SOX5: variants seen among roughly 807,000 people sequenced by gnomAD.
SOX5 encodes the protein transcription factor SOX-5.
In SOX5, 9 loss-of-function variants were observed where a neutral mutation model predicts 92.0. That is an observed-to-expected ratio of 0.10 (90% CI 0.06 to 0.17). The LOEUF is 0.17. Among genes scored for constraint, SOX5 ranks in the 10% least tolerant of loss-of-function variants. The pLI, the probability that SOX5 is intolerant of heterozygous loss-of-function variation, is 1.00. For synonymous variants in SOX5, 344 were observed against 336.3 expected (o/e 1.02, Z -0.25); for missense variants, 642 against 944.5 (o/e 0.68, Z 4.20).
At chr12:24,492,978 C>T (rs1412979819) in intron 1 of SOX5, among the ~76,000 whole-genome samples, 1 of 152,038 alleles carries the variant, frequency 6.6e-6, no homozygotes, top group Non-Finnish European at 1.5e-5. Context: ...CCATGAGCAC[C>T]CCTGATAATA....
chr12:23,682,881 T>C (rs1225150871), intron 6 of SOX5, among the ~76,000 whole-genome samples: 1 of 151,850 alleles, frequency 6.6e-6, no homozygotes, highest in African/African-American at 2.4e-5. Flanking sequence ...GCTACTTAAG[T>C]AGTTGAATAT....
chr12:24,147,977 C>T (rs751792694), intron 4 of SOX5, among the ~76,000 whole-genome samples: 8 of 152,144 alleles, frequency 5.3e-5, no homozygotes, highest in Non-Finnish European at 1.2e-4. Flanking sequence ...CTCTCCAAAT[C>T]ATTCCATAGA....
chr12:24,342,803 T>G (rs1447906545), intron 2 of SOX5, among the ~76,000 whole-genome samples: 1 of 152,220 alleles, frequency 6.6e-6, no homozygotes, highest in Admixed American at 6.5e-5. Flanking sequence ...TCATGAAATT[T>G]GTATTTATTT....
intron 3 of SOX5, among the ~76,000 whole-genome samples, chr12:24,243,111 A>T (rs1390287723): frequency 6.6e-6 from 1 of 152,154 alleles, no homozygotes; most frequent in Non-Finnish European, 1.5e-5. Flanking sequence ...TGAATATTTT[A>T]AAAAATAGAT....
intron 5 of SOX5, among the ~76,000 whole-genome samples, chr12:23,738,040 A>T (rs952745012): frequency 5.9e-5 from 9 of 152,226 alleles, no homozygotes; most frequent in African/African-American, 1.9e-4. Context: ...TCAGTACACA[A>T]GGGATTTTTG....
At chr12:23,935,633 A>G (rs188130139) in intron 1 of SOX5, among the ~76,000 whole-genome samples, 170 of 151,218 alleles carry the variant, frequency 1.1e-3, no homozygotes, top group Non-Finnish European at 1.9e-3. Context: ...GTAAGTGTAT[A>G]TATGCCTGGA....
chr12:23,930,598 T>G (rs1177957978), intron 1 of SOX5, among the ~76,000 whole-genome samples: 1 of 151,744 alleles, frequency 6.6e-6, no homozygotes, highest in Non-Finnish European at 1.5e-5. Flanking sequence ...ATTTATTAGG[T>G]ACTCAAAAGG....
intron 8 of SOX5, among the ~76,000 whole-genome samples, chr12:23,629,734 T>A (rs983626488): frequency 6.6e-6 from 1 of 152,004 alleles, no homozygotes; most frequent in Non-Finnish European, 1.5e-5. Context: ...TCAAACTCTA[T>A]TCCACTTTCA....
At chr12:23,794,048 G>A (rs1459156023) in intron 3 of SOX5, among the ~76,000 whole-genome samples, 1 of 152,008 alleles carries the variant, frequency 6.6e-6, no homozygotes, top group East Asian at 1.9e-4. Flanking sequence ...ATCCATCATT[G>A]AAATGTTTAA....
intron 3 of SOX5, among the ~76,000 whole-genome samples, chr12:23,785,323 A>T (rs1453030730): frequency 6.6e-6 from 1 of 152,042 alleles, no homozygotes. Context: ...TAAATACCTA[A>T]TTTTTCCATT....
At chr12:24,540,182 T>A (rs1187347162) in intron 1 of SOX5, among the ~76,000 whole-genome samples, 1 of 152,146 alleles carries the variant, frequency 6.6e-6, no homozygotes, top group Non-Finnish European at 1.5e-5. Context: ...AACATAGGAT[T>A]AGCATTGTAG....
At chr12:24,496,874 A>G (rs1380105726) in intron 1 of SOX5, among the ~76,000 whole-genome samples, 1 of 152,192 alleles carries the variant, frequency 6.6e-6, no homozygotes, top group Non-Finnish European at 1.5e-5. Flanking sequence ...CTTTATGAAT[A>G]TACAAGTTCT....
intron 1 of SOX5, among the ~76,000 whole-genome samples, chr12:24,534,539 A>G (rs759665569): frequency 2.0e-5 from 3 of 152,162 alleles, no homozygotes; most frequent in Non-Finnish European, 4.4e-5. Flanking sequence ...TAAAAAATCA[A>G]TGTTTTTTCC....
chr12:24,423,814 C>T (rs984268185), intron 1 of SOX5, among the ~76,000 whole-genome samples: 3 of 152,152 alleles, frequency 2.0e-5, no homozygotes, highest in African/African-American at 4.8e-5. Context: ...GAATCACTTC[C>T]GCAGTCACAG....
chr12:24,202,142 G>A (rs543088578), intron 4 of SOX5, among the ~76,000 whole-genome samples: 10 of 152,154 alleles, frequency 6.6e-5, no homozygotes, highest in East Asian at 3.9e-4. Flanking sequence ...AAGTATCCCC[G>A]GGGTTTACAC....
At chr12:24,139,592 G>A (rs1001432376) in intron 4 of SOX5, among the ~76,000 whole-genome samples, 2 of 152,122 alleles carry the variant, frequency 1.3e-5, no homozygotes, top group African/African-American at 4.8e-5. Flanking sequence ...ATAGTTTTTT[G>A]TTTGTTGGTT....
intron 7 of SOX5, among the ~76,000 whole-genome samples, chr12:23,657,401 G>C (rs1226512180): frequency 6.6e-6 from 1 of 152,124 alleles, no homozygotes; most frequent in African/African-American, 2.4e-5. Flanking sequence ...GACTTTTTAA[G>C]TCCTTACGGA....
chr12:24,396,878 T>A (rs898859599), intron 1 of SOX5, among the ~76,000 whole-genome samples: 4 of 152,220 alleles, frequency 2.6e-5, no homozygotes, highest in African/African-American at 9.6e-5. Context: ...GCTTAATTCC[T>A]TGAAATATTT....
chr12:23,643,068 C>T (rs1465986492), intron 7 of SOX5, among the ~76,000 whole-genome samples: 3 of 111,218 alleles, frequency 2.7e-5, no homozygotes, highest in African/African-American at 7.6e-5. Flanking sequence ...GCCTGGGCGA[C>T]AGAGCGAGAC....
Sources: gnomAD v4.1 joint callset for allele counts (sites outside exome capture counted in the v4.1 genomes callset) on GRCh38, gnomAD v4.1.1 for gene constraint, MANE v1.5 for transcripts, NCBI Gene and HGNC (gene_info 2026-07-23, HGNC 2026-07-21) for gene names.